The following FRMPD2 variants were observed in gnomAD, a reference collection of about 807,000 sequenced individuals.
The protein encoded by FRMPD2 is FERM and PDZ domain containing 2.
FRMPD2 carries 96 observed loss-of-function variants against 140.1 expected under a neutral mutation model. That is an observed-to-expected ratio of 0.69 (90% CI 0.58 to 0.81). FRMPD2 has a LOEUF of 0.81. Ranked by LOEUF, FRMPD2 falls within the 40% of genes least tolerant of loss-of-function variation. The pLI is 0.00. For missense variants in FRMPD2, 1,240 were observed against 1,447.4 expected (o/e 0.86, Z 2.32); for synonymous variants, 449 against 547.6 (o/e 0.82, Z 2.52).
chr10:48,171,552 A>G (rs1199433736), intron 25 of FRMPD2, among the ~76,000 whole-genome samples: 1 of 152,304 alleles, frequency 6.6e-6, no homozygotes, highest in Non-Finnish European at 1.5e-5. Context: ...AATCCCATAT[A>G]TCTAAAATAT....
chr10:48,170,700 C>T (rs1242655716), intron 26 of FRMPD2, among the ~76,000 whole-genome samples: 23 of 151,076 alleles, frequency 1.5e-4, no homozygotes, highest in Admixed American at 1.2e-3. Flanking sequence ...CCCATGCCCA[C>T]CTCCCAGGAT....
intron 12 of FRMPD2, among the ~76,000 whole-genome samples, chr10:48,217,922 G>A (rs1168820549): frequency 3.9e-5 from 6 of 152,190 alleles, no homozygotes; most frequent in Non-Finnish European, 7.4e-5. Context: ...GACTCAGGGT[G>A]TACTAATCTA....
chr10:48,249,642 CAT>C (rs1840329871), intron 2 of FRMPD2, among the ~76,000 whole-genome samples: 1 of 152,234 alleles, frequency 6.6e-6, no homozygotes, highest in Non-Finnish European at 1.5e-5. Flanking sequence ...CCTCACAGAA[CAT>C]GTGTAATGTT....
Position 48,242,238 on chromosome 10 carries a change from C to A in FRMPD2, c.490G>T (p.Glu164Ter). Residue 164 changes from glutamate to a stop codon, truncating the protein, a stop_gained, in exon 5 of 29, where the codon GAA becomes TAA. Transcript: ENST00000374201. LOFTEE classifies it high-confidence loss of function. The part of the protein sequence containing the change: ...VLEACRVHEK[E>*]VSVYPAPAGL... ...GCAGGGGCTGGGTAGACAGACACTTCTTTCTCATGAACCCGACAAGCTTCC... is the reference window on the plus strand; with the variant it reads ...GCAGGGGCTGGGTAGACAGACACTTATTTCTCATGAACCCGACAAGCTTCC... 1.9e-6 allele frequency: 3 copies of A among 1,614,198 alleles called. No individual in the cohort carries two copies. The highest frequency in any genetic ancestry group is 2.5e-6 in the Non-Finnish European group (3 of 1,180,034).
chr10:48,174,382 T>C (rs1275445819), intron 24 of FRMPD2, among the ~76,000 whole-genome samples: 2 of 152,144 alleles, frequency 1.3e-5, no homozygotes, highest in Non-Finnish European at 2.9e-5. Context: ...TCCTACCTCA[T>C]TGTGAGGAAA....
chr10:48,253,879 T>A (rs1840438055), intron 1 of FRMPD2, among the ~76,000 whole-genome samples: 1 of 152,192 alleles, frequency 6.6e-6, no homozygotes, highest in African/African-American at 2.4e-5. Flanking sequence ...ATCCAACATC[T>A]GGAAAAGCAC....
Position 48,249,161 on chromosome 10 carries a change from C to T in FRMPD2, c.169G>A (p.Val57Ile), listed in dbSNP as rs775598646. The change falls in exon 3 of 29, where the codon GTT becomes ATT. Residue 57 changes from valine to isoleucine, a missense_variant. By Grantham distance (29) the Val-to-Ile change is conservative. This residue lies in a region of FRMPD2 where 1,161 missense variants were observed against 1,055.9 expected (regional missense o/e 1.10). Transcript: ENST00000374201. ...GAAAGCAGGGCTGACCAGGGGCAAA[C>T]CACATAGTCCGAGGAATCTGAAACC... ...DLRNDSSDYVVCPWSALLSAA... is the reference protein window; with the variant it reads ...DLRNDSSDYVICPWSALLSAA... 1.9e-6 allele frequency: 3 copies of T among 1,613,936 alleles called. No individual in the cohort carries two copies. Among genetic ancestry groups the T allele is most frequent in the South Asian group, 1.1e-5 (1 of 91,062 alleles).
chr10:48,211,526 T>C (rs1839322976), intron 13 of FRMPD2, among the ~76,000 whole-genome samples: 1 of 152,108 alleles, frequency 6.6e-6, no homozygotes, highest in South Asian at 2.1e-4. Context: ...CTCCCACCTG[T>C]AGTCCCAGCA....
At chr10:48,260,864 G>A (rs1458236192) in intron 1 of FRMPD2, among the ~76,000 whole-genome samples, 1 of 142,354 alleles carries the variant, frequency 7.0e-6, no homozygotes, top group East Asian at 2.1e-4. Flanking sequence ...AAATAACTAT[G>A]ATTAATATGC....
intron 16 of FRMPD2, among the ~76,000 whole-genome samples, chr10:48,191,344 C>A (rs1429383274): frequency 6.6e-6 from 1 of 152,190 alleles, no homozygotes. Context: ...ACATGAAACC[C>A]AGAAGAATCC....
At position 48,251,550 on chromosome 10, in the gene FRMPD2, C is replaced by G; in HGVS notation, c.151+16G>C. On this transcript the variant is annotated intron_variant, in intron 2 of 28. Transcript: ENST00000374201. ...ACAACTCCCTGTGATTTGACTGCCC[C>G]CAAACACTCTCTTACCGTTGCGGAG... The G allele has an allele frequency of 6.2e-7, 1 of 1,612,244 alleles. No individual in the cohort carries two copies. Among genetic ancestry groups the G allele is most frequent in the Non-Finnish European group, 8.5e-7 (1 of 1,179,450 alleles).
chr10:48,166,593 G>A (rs1371057636), intron 27 of FRMPD2, among the ~76,000 whole-genome samples: 3 of 117,012 alleles, frequency 2.6e-5, no homozygotes, highest in Admixed American at 8.4e-5. Context: ...CTTCATTAAC[G>A]ATGGCCCAAG....
intron 15 of FRMPD2, chr10:48,199,915 A>C (rs1839042555): frequency 6.6e-6 from 1 of 152,090 alleles, no homozygotes; most frequent in Non-Finnish European, 1.5e-5. Flanking sequence ...CATCTTGTGC[A>C]ATTTTACAGC....
intron 18 of FRMPD2, 150 bp downstream of exon 18, chr10:48,185,403 G>GA (rs1044576465): frequency 1.1e-4 from 69 of 619,844 alleles, no homozygotes; most frequent in Non-Finnish European, 1.5e-4. Flanking sequence ...ATTAAAGGGA[G>GA]AAAAAAAACA....
intron 3 of FRMPD2, among the ~76,000 whole-genome samples, chr10:48,247,840 A>G (rs538342028): frequency 6.6e-6 from 1 of 152,310 alleles, no homozygotes; most frequent in African/African-American, 2.4e-5. Context: ...GAGGCACGCA[A>G]GTCTGTGTCC....
chr10:48,257,480 A>G (rs1203528789), intron 1 of FRMPD2, among the ~76,000 whole-genome samples: 1 of 152,028 alleles, frequency 6.6e-6, no homozygotes, highest in East Asian at 1.9e-4. Context: ...GGGTTTCGCC[A>G]TGTTGGCCAG....
chr10:48,271,521 C>A lies in FRMPD2; in HGVS notation c.25+3022G>T, dbSNP rs140652193. ...AGCCCTCCTGGAACTGGTTCCTGTG[C>A]ACCATCCTACACATCTCCTTCCTGC... On this transcript the variant is annotated intron_variant, in intron 1 of 28. Transcript: ENST00000374201. Among the ~76,000 whole-genome samples, 99 of 152,338 alleles carry A rather than the reference C, an allele frequency of 6.5e-4. No individual in the cohort carries two copies. The East Asian group carries it at 0.017, about 26-fold the overall frequency.
At chr10:48,224,425 C>T (rs1037209237) in intron 10 of FRMPD2, among the ~76,000 whole-genome samples, 3 of 152,204 alleles carry the variant, frequency 2.0e-5, no homozygotes, top group African/African-American at 7.2e-5. Context: ...GGTGACCAAC[C>T]TCTTCTTCCA....
At chr10:48,189,291 C>T (rs867741967) in intron 16 of FRMPD2, among the ~76,000 whole-genome samples, 5 of 152,270 alleles carry the variant, frequency 3.3e-5, no homozygotes, top group South Asian at 4.2e-4. Flanking sequence ...CTGGAGCCAG[C>T]GATGTGGAGG....
Sources: allele counts gnomAD v4.1 joint callset (sites outside exome capture counted in the v4.1 genomes callset), GRCh38; gene constraint gnomAD v4.1.1; regional missense constraint gnomAD v4.1.1; transcripts MANE v1.5; gene names NCBI Gene and HGNC (gene_info 2026-07-23, HGNC 2026-07-21).